Variants in LRP1B observed in about 807,000 individuals in gnomAD.
LRP1B encodes LDL receptor related protein 1B, also known as low-density lipoprotein receptor-related protein 1B.
Under a neutral mutation model 556.6 loss-of-function variants are expected in LRP1B, and 217 were observed. That is an observed-to-expected ratio of 0.39 (90% CI 0.35 to 0.44). LRP1B has a LOEUF of 0.44. Ranked by LOEUF, LRP1B falls within the 20% of genes least tolerant of loss-of-function variation. LRP1B has a pLI of 1.00. For missense variants in LRP1B, 5,053 were observed against 5,620.8 expected (o/e 0.90, Z 3.23); for synonymous variants, 2,047 against 1,865.8 (o/e 1.10, Z -2.50).
chr2:141,455,152 T>C (rs962942349), intron 3 of LRP1B, among the ~76,000 whole-genome samples: 1 of 151,830 alleles, frequency 6.6e-6, no homozygotes, highest in Non-Finnish European at 1.5e-5. Flanking sequence ...GCTACATAAA[T>C]GTAGGCCTGG....
intron 1 of LRP1B, among the ~76,000 whole-genome samples, chr2:142,015,809 C>T (rs1400316465): frequency 5.9e-5 from 9 of 151,576 alleles, no homozygotes; most frequent in Admixed American, 2.0e-4. Flanking sequence ...CTGGCTAACA[C>T]GGTGAAACCC....
At chr2:140,744,029 G>A (rs1688235745) in intron 35 of LRP1B, among the ~76,000 whole-genome samples, 1 of 143,950 alleles carries the variant, frequency 6.9e-6, no homozygotes, top group African/African-American at 2.6e-5. Context: ...CTAAAACAGT[G>A]GTTATCAGTG....
intron 3 of LRP1B, among the ~76,000 whole-genome samples, chr2:141,257,838 A>C (rs1461633907): frequency 1.3e-5 from 2 of 152,262 alleles, no homozygotes; most frequent in Non-Finnish European, 2.9e-5. Context: ...TGTGAAAGCA[A>C]TACTAATTAT....
chr2:140,452,242 GT>G (rs990503936), intron 62 of LRP1B, among the ~76,000 whole-genome samples: 5 of 152,054 alleles, frequency 3.3e-5, no homozygotes, highest in Non-Finnish European at 7.4e-5. Flanking sequence ...AAAAAGCTCA[GT>G]TAGTTTATGT....
At chr2:141,216,290 T>A (rs144409251) in intron 6 of LRP1B, among the ~76,000 whole-genome samples, 1 of 152,246 alleles carries the variant, frequency 6.6e-6, no homozygotes, top group African/African-American at 2.4e-5. Context: ...GCAGCTTCCA[T>A]GTGGTGTTAT....
At chr2:141,519,628 G>A (rs574302378) in intron 2 of LRP1B, among the ~76,000 whole-genome samples, 11 of 151,824 alleles carry the variant, frequency 7.2e-5, no homozygotes, top group African/African-American at 2.2e-4. Flanking sequence ...ACTAGAACTC[G>A]AATTTAGATA....
At chr2:140,359,463 T>G (rs1160980854) in intron 72 of LRP1B, among the ~76,000 whole-genome samples, 1 of 151,728 alleles carries the variant, frequency 6.6e-6, no homozygotes, top group Non-Finnish European at 1.5e-5. Context: ...TATATGATCT[T>G]AGTTATTCAT....
At chr2:141,321,070 C>A (rs185074744) in intron 3 of LRP1B, among the ~76,000 whole-genome samples, 1 of 152,164 alleles carries the variant, frequency 6.6e-6, no homozygotes, top group Admixed American at 6.6e-5. Flanking sequence ...ATAAACAAAT[C>A]TTCATTAAGT....
intron 2 of LRP1B, among the ~76,000 whole-genome samples, chr2:141,653,498 T>G (rs1361940764): frequency 6.6e-6 from 1 of 152,246 alleles, no homozygotes; most frequent in Non-Finnish European, 1.5e-5. Flanking sequence ...AATAGAACAC[T>G]GTAAATGTGT....
intron 56 of LRP1B, among the ~76,000 whole-genome samples, 158 bp from the exon 57 acceptor site, chr2:140,492,851 A>G (rs1163432692): frequency 6.6e-6 from 1 of 152,218 alleles, no homozygotes; most frequent in African/African-American, 2.4e-5. Context: ...CGTAGTTGGC[A>G]GTAGAATGAA....
chr2:141,490,400 T>TGTGTGTG (rs66605553), intron 2 of LRP1B, among the ~76,000 whole-genome samples: 1 of 150,998 alleles, frequency 6.6e-6, no homozygotes, highest in African/African-American at 2.5e-5. Context: ...TGTGTGTGTG[T>TGTGTGTG]TTTCTGCTAA....
intron 11 of LRP1B, 29 bp from the exon 12 acceptor site, chr2:141,020,131 A>T (rs1698023423): frequency 7.0e-7 from 1 of 1,421,262 alleles, no homozygotes. Flanking sequence ...CAAGAAAGAA[A>T]TTGCTTTTAC....
intron 6 of LRP1B, among the ~76,000 whole-genome samples, chr2:141,228,691 A>G (rs1429920830): frequency 6.6e-6 from 1 of 152,152 alleles, no homozygotes; most frequent in Non-Finnish European, 1.5e-5. Flanking sequence ...ATGAGAAGTC[A>G]GAGTGAATCA....
intron 2 of LRP1B, among the ~76,000 whole-genome samples, chr2:141,590,437 T>G (rs1559161019): frequency 1.3e-5 from 2 of 152,272 alleles, no homozygotes; most frequent in East Asian, 3.9e-4. Flanking sequence ...CCCTAGGGGT[T>G]GTCGGTGTTG....
intron 31 of LRP1B, among the ~76,000 whole-genome samples, chr2:140,816,641 C>T (rs779587821): frequency 6.6e-6 from 1 of 152,026 alleles, no homozygotes; most frequent in Non-Finnish European, 1.5e-5. Flanking sequence ...ACATAACTCC[C>T]TCCATATATC....
At chr2:141,900,789 G>A (rs367615345) in intron 1 of LRP1B, among the ~76,000 whole-genome samples, 191 of 151,822 alleles carry the variant, frequency 1.3e-3, no homozygotes, top group African/African-American at 4.2e-3. Context: ...TTGCATTAAC[G>A]TGTACATTTT....
At chr2:141,413,104 A>G (rs1230313030) in intron 3 of LRP1B, among the ~76,000 whole-genome samples, 1 of 152,124 alleles carries the variant, frequency 6.6e-6, no homozygotes, top group Non-Finnish European at 1.5e-5. Context: ...GTGCACACCC[A>G]TAGGACTAGC....
intron 2 of LRP1B, among the ~76,000 whole-genome samples, chr2:141,516,949 G>A (rs1436584161): frequency 3.0e-5 from 4 of 135,536 alleles, no homozygotes; most frequent in Non-Finnish European, 6.1e-5. Context: ...CGCCTGCCTC[G>A]GTCTCCCAAA....
intron 3 of LRP1B, among the ~76,000 whole-genome samples, chr2:141,466,950 G>GATATATATATATATATAT (rs59093011): frequency 3.4e-4 from 48 of 140,822 alleles, no homozygotes; most frequent in South Asian, 1.7e-3. Flanking sequence ...GTGCTCAGGG[G>GATATATATATATATATAT]ATATATATAT....
Sources: allele counts gnomAD v4.1 joint callset (sites outside exome capture counted in the v4.1 genomes callset), GRCh38; gene constraint gnomAD v4.1.1; transcripts MANE v1.5; gene names NCBI Gene and HGNC (gene_info 2026-07-23, HGNC 2026-07-21).